NDOR1: variants seen among roughly 807,000 people sequenced by gnomAD.
The protein encoded by NDOR1 is NADPH-dependent diflavin oxidoreductase 1.
NDOR1 carries 61 observed loss-of-function variants against 67.2 expected under a neutral mutation model. The ratio of observed to expected loss-of-function variants is 0.91; its 90% CI spans 0.74 to 1.12. The LOEUF (loss-of-function observed/expected upper bound fraction) is 1.12, where lower values mean the gene tolerates loss of function less well. Among genes scored for constraint, NDOR1 ranks in the 50% most tolerant of loss-of-function variants. NDOR1 has a pLI of 0.00. For synonymous variants in NDOR1, 378 were observed against 343.7 expected (o/e 1.10, Z -1.10); for missense variants, 878 against 802.8 (o/e 1.09, Z -1.13).
intron 3 of NDOR1, 47 bp from the exon 4 acceptor site, chr9:137,213,733 C>T: frequency 6.3e-7 from 1 of 1,581,284 alleles, no homozygotes; most frequent in Non-Finnish European, 8.6e-7. Context: ...CTGGGCACCA[C>T]TCTCCGCCCG....
At chr9:137,213,345 G>C (rs144647262) in intron 3 of NDOR1, among the ~76,000 whole-genome samples, 2,142 of 152,254 alleles carry the variant, frequency 0.014, 49 homozygotes, top group African/African-American at 0.047. Flanking sequence ...GTCATGCCTC[G>C]GAACCAGAGT....
intron 2 of NDOR1, among the ~76,000 whole-genome samples, chr9:137,208,854 GT>G (rs887570311): frequency 1.3e-5 from 2 of 151,078 alleles, no homozygotes; most frequent in African/African-American, 2.4e-5. Flanking sequence ...AACTTGACAT[GT>G]TTTTTTTGTT....
rs774902416 is a variant in NDOR1, at chr9:137,215,639, C to T, written c.1289-20C>T. 1.3e-6 allele frequency: 2 copies of T among 1,577,106 alleles called. No homozygotes were observed. Among genetic ancestry groups the T allele is most frequent in the Non-Finnish European group, 1.7e-6 (2 of 1,161,198 alleles). On this transcript the variant is annotated intron_variant, in intron 10 of 13. Coordinates refer to ENST00000684003, the MANE Select transcript of NDOR1 (RefSeq NM_014434.4). ...GCACAGGTCTTTGATCCTCTTCATG[C>T]CACCTCCTTCCTGCAATAGGACCTG... is the stretch of plus-strand genomic sequence containing the variant.
At position 137,214,882 on chromosome 9, in the gene NDOR1, G is replaced by T; in HGVS notation, c.929G>T (p.Arg310Leu). The change falls in exon 8 of 14, where the codon CGC becomes CTC. Residue 310 changes from arginine (R) to leucine (L), a missense_variant. Coordinates refer to ENST00000684003, the MANE Select transcript of NDOR1 (RefSeq NM_014434.4). The part of the protein sequence containing the change: ...SHYLDIASVP[R>L]RSFFELLACL... Reference sequence around the variant, plus strand: ...TACCTGGACATCGCCAGCGTGCCTCGCCGCTCCTTCTTCGAACTCCTGGCC... The same window carrying T: ...TACCTGGACATCGCCAGCGTGCCTCTCCGCTCCTTCTTCGAACTCCTGGCC... 6.2e-7 allele frequency: 1 copy of T among 1,611,748 alleles called. No individual in the cohort carries two copies.
In NDOR1 at chr9:137,212,859, G is replaced by T; in HGVS notation, c.311+260G>T. The T allele has an allele frequency of 2.1e-6, 1 of 483,874 alleles. No homozygotes were observed. Among genetic ancestry groups the T allele is most frequent in the Non-Finnish European group, 3.8e-6 (1 of 266,574 alleles). The allele number at this position is 483,874 out of a possible 1,614,324, so 30.0% of individuals were successfully genotyped here. On this transcript the variant is annotated intron_variant, in intron 3 of 13. Transcript: ENST00000684003. This position sits in a 1 kb window ranked among gnomAD's most constrained non-coding sequence, Gnocchi z 4.3. ...ACGTCACACAGGCCTACCTGGCGCCGGTCCCCACTTTTACAAAAAGGCGTG... is the reference window on the plus strand; with the variant it reads ...ACGTCACACAGGCCTACCTGGCGCCTGTCCCCACTTTTACAAAAAGGCGTG...
chr9:137,213,200 C>T (rs1023760031), intron 3 of NDOR1, among the ~76,000 whole-genome samples: 1 of 152,198 alleles, frequency 6.6e-6, no homozygotes, highest in Non-Finnish European at 1.5e-5. Flanking sequence ...AGGTTTTGTT[C>T]CGTGCGTGAC....
In NDOR1 at chr9:137,206,233, T is replaced by G. The variant is rs1371799859; in HGVS notation, c.137T>G (p.Val46Gly). 1 of 1,613,966 alleles carries G rather than the reference T, an allele frequency of 6.2e-7. No individual in the cohort carries two copies. Among genetic ancestry groups the G allele is most frequent in the Non-Finnish European group, 8.5e-7 (1 of 1,179,974 alleles). The stretch of plus-strand genomic sequence containing the variant: ...ACGTGTGTGTGTCTTTTTGTTGAGG[T>G]GAATCTGATTAACGAGCCCCTGGTG... ...RVQALDSYPV[V>G]NLINEPLVIF... is the part of the protein sequence containing the mutation. Residue 46 changes from valine to glycine, a missense_variant and splice_region_variant, in exon 2 of 14, where the codon GTG (valine) becomes GGG (glycine). By Grantham distance (109) the Val-to-Gly change is moderately radical. Transcript: ENST00000684003.
Position 137,217,581 on chromosome 9 carries a change from A to C in NDOR1, c.*1165A>C. ...ACATGGCTGAGGCTGGGCTCCAGCC[A>C]GATCTGGCTGGGGACAGCACCGCGT... On this transcript the variant is annotated 3_prime_UTR_variant, in exon 14 of 14. Coordinates refer to ENST00000684003, the MANE Select transcript of NDOR1 (RefSeq NM_014434.4). 1.2e-5 allele frequency: 2 copies of C among 167,896 alleles called. No individual in the cohort carries two copies. Among genetic ancestry groups the C allele is most frequent in the African/African-American group, 2.4e-5 (1 of 42,186 alleles). The allele number at this position is 167,896 out of a possible 1,614,324, so 10.4% of individuals were successfully genotyped here. A position where few individuals can be genotyped will look rare whatever the true frequency, so the allele number is the denominator to read the frequency against.
Position 137,216,539 on chromosome 9 carries a change from A to G in NDOR1, c.*123A>G. The G allele has an allele frequency of 3.1e-6, 4 of 1,296,862 alleles. No individual in the cohort carries two copies. The highest frequency in any genetic ancestry group is 4.1e-6 in the Non-Finnish European group (4 of 963,934). 80.3% of individuals were successfully genotyped at this position (1,296,862 alleles called of 1,614,324 possible). On this transcript the variant is annotated 3_prime_UTR_variant, in exon 14 of 14. Transcript: ENST00000684003. ...GGACCAGCCAGCTGGTCCTCTGGGA[A>G]CAGCCAGCTCCCGAGCACAGCCGCA...
Position 137,218,711 on chromosome 9 carries a change from G to T in NDOR1, c.*2295G>T, listed in dbSNP as rs749486676. 5.0e-6 allele frequency: 2 copies of T among 397,720 alleles called. No individual in the cohort carries two copies. The highest frequency in any genetic ancestry group is 8.9e-6 in the Non-Finnish European group (2 of 225,746). The allele number at this position is 397,720 out of a possible 1,614,324, so 24.6% of individuals were successfully genotyped here. ...GATGACCAGGCTGGAAAAACCCAAG[G>T]TTGGGTCCAGGGCAGTGGCCTTCAA... On this transcript the variant is annotated 3_prime_UTR_variant, in exon 14 of 14. Transcript: ENST00000684003.
Position 137,218,392 on chromosome 9 carries a change from G to A in NDOR1, c.*1976G>A. 2.5e-6 allele frequency: 1 copy of A among 398,570 alleles called. No individual in the cohort carries two copies. Among genetic ancestry groups the A allele is most frequent in the Non-Finnish European group, 4.4e-6 (1 of 226,126 alleles). The allele number at this position is 398,570 out of a possible 1,614,324, so 24.7% of individuals were successfully genotyped here. On this transcript the variant is annotated 3_prime_UTR_variant, in exon 14 of 14. Transcript: ENST00000684003. ...GCTACCAGCTGCGCTTCCTGGCAGG[G>A]CCCGTGGGCGGCCGGGGCTGCCTGC...
chr9:137,216,260 C>T lies in NDOR1; in HGVS notation c.1650-12C>T, dbSNP rs750239725. On this transcript the variant is annotated splice_polypyrimidine_tract_variant and intron_variant, in intron 13 of 13. Coordinates refer to ENST00000684003, the MANE Select transcript of NDOR1 (RefSeq NM_014434.4). ...CAGGCCTCATTGCGCCTTCTGCGAC[C>T]TGCCCCTCTAGCAACGCCAAGTCCA... 1 of 1,613,138 alleles carries T rather than the reference C, an allele frequency of 6.2e-7. No homozygotes were observed. Among genetic ancestry groups the T allele is most frequent in the Non-Finnish European group, 8.5e-7 (1 of 1,179,964 alleles).
chr9:137,216,074 C>G lies in NDOR1; in HGVS notation c.1555-20C>G. 1 of 1,613,468 alleles carries G rather than the reference C, an allele frequency of 6.2e-7. No homozygotes were observed. ...GAGGGAGCTCCGGCTCAGCCCCCAG[C>G]CCTGTTCTCTGCCCTACAGGAGCAG... On this transcript the variant is annotated intron_variant, in intron 12 of 13. Coordinates refer to ENST00000684003, the MANE Select transcript of NDOR1 (RefSeq NM_014434.4).
Position 137,218,412 on chromosome 9 carries a change from G to GCCTGCCCTT in NDOR1, c.*2005_*2013dup, listed in dbSNP as rs760926470. On this transcript the variant is annotated 3_prime_UTR_variant, in exon 14 of 14. Transcript: ENST00000684003. ...GCAGGGCCCGTGGGCGGCCGGGGCTGCCTGCCCTTCCTGCCCTGTCCACCC... is the reference window on the plus strand; with the variant it reads ...GCAGGGCCCGTGGGCGGCCGGGGCTGCCTGCCCTTCCTGCCCTTCCTGCCCTGTCCACCC... 89 of 398,340 alleles carry GCCTGCCCTT rather than the reference G, an allele frequency of 2.2e-4. No homozygotes were observed. Among genetic ancestry groups the GCCTGCCCTT allele is most frequent in the Non-Finnish European group, 3.4e-4 (78 of 226,100 alleles). 24.7% of individuals were successfully genotyped at this position (398,340 alleles called of 1,614,324 possible).
At position 137,215,465 on chromosome 9, in the gene NDOR1, A is replaced by G. The variant is rs1334113095; in HGVS notation, c.1232A>G (p.Lys411Arg). Reference sequence around the variant, plus strand: ...GTAGTGCAGTTCCAGACTCGCCTCAAGGAGCCCCGCCGGGGCCTCTGCTCC... The same window carrying G: ...GTAGTGCAGTTCCAGACTCGCCTCAGGGAGCCCCGCCGGGGCCTCTGCTCC... ...VAVVQFQTRL[K>R]EPRRGLCSSW... is the part of the protein sequence containing the mutation. The change falls in exon 10 of 14, where the codon AAG becomes AGG. Residue 411 changes from lysine (K) to arginine (R), a missense_variant. By Grantham distance (26) the Lys-to-Arg change is conservative (BLOSUM62 2). Transcript: ENST00000684003. 1.2e-6 allele frequency: 2 copies of G among 1,613,350 alleles called. No homozygotes were observed. The highest frequency in any genetic ancestry group is 4.5e-5 in the East Asian group (2 of 44,882).
Position 137,216,468 on chromosome 9 carries a change from G to A in NDOR1, c.*52G>A, listed in dbSNP as rs754370757. Reference sequence around the variant, plus strand: ...GACAGCCATCCTCCTGGGAGCCCAGGAAGGCATCCACGAGGGAGCTCCTGG... The same window carrying A: ...GACAGCCATCCTCCTGGGAGCCCAGAAAGGCATCCACGAGGGAGCTCCTGG... On this transcript the variant is annotated 3_prime_UTR_variant, in exon 14 of 14. Coordinates refer to ENST00000684003, the MANE Select transcript of NDOR1 (RefSeq NM_014434.4). 6.4e-7 allele frequency: 1 copy of A among 1,567,252 alleles called. No individual in the cohort carries two copies.
At position 137,216,816 on chromosome 9, in the gene NDOR1, C is replaced by A. The variant is rs1182517909; in HGVS notation, c.*400C>A. 1 of 237,306 alleles carries A rather than the reference C, an allele frequency of 4.2e-6. No individual in the cohort carries two copies. Among genetic ancestry groups the A allele is most frequent in the Non-Finnish European group, 8.4e-6 (1 of 119,254 alleles). 14.7% of individuals were successfully genotyped at this position (237,306 alleles called of 1,614,324 possible). On this transcript the variant is annotated 3_prime_UTR_variant, in exon 14 of 14. Transcript: ENST00000684003. ...GCTGCACTCCTCTGCCCTGGGGCCA[C>A]CTCGGCTGCTGCAGCCTGCCCAGCA...
At position 137,218,146 on chromosome 9, in the gene NDOR1, G is replaced by T. The variant is rs1835717437; in HGVS notation, c.*1730G>T. On this transcript the variant is annotated 3_prime_UTR_variant, in exon 14 of 14. Transcript: ENST00000684003. ...CCCTGCTGAACTGTAGCCACGGCCTGTGTGTGGGCTGCCTGCACAGGCTGC... is the reference window on the plus strand; with the variant it reads ...CCCTGCTGAACTGTAGCCACGGCCTTTGTGTGGGCTGCCTGCACAGGCTGC... The T allele has an allele frequency of 5.0e-6, 2 of 398,748 alleles. No individual in the cohort carries two copies. The highest frequency in any genetic ancestry group is 8.8e-6 in the Non-Finnish European group (2 of 226,162). The allele number at this position is 398,748 out of a possible 1,614,324, so 24.7% of individuals were successfully genotyped here.
Position 137,215,967 on chromosome 9 carries a change from C to T in NDOR1, c.1504C>T (p.Leu502=). Residue 502 remains leucine, a synonymous_variant, in exon 12 of 14, where the codon CTG becomes TTG. Transcript: ENST00000684003. ...DFYWEAEWQE[L]EKRDCLTLIP... ...CTACTGGGAGGCTGAGTGGCAGGAGCTGGAGAAGCGGGACTGTCTGACCCT... is the reference window on the plus strand; with the variant it reads ...CTACTGGGAGGCTGAGTGGCAGGAGTTGGAGAAGCGGGACTGTCTGACCCT... The T allele has an allele frequency of 6.2e-7, 1 of 1,613,378 alleles. No homozygotes were observed. The highest frequency in any genetic ancestry group is 8.5e-7 in the Non-Finnish European group (1 of 1,179,984).
Sources: allele counts gnomAD v4.1 joint callset (sites outside exome capture counted in the v4.1 genomes callset), GRCh38; gene constraint gnomAD v4.1.1; non-coding constraint Gnocchi (gnomAD v3.1); transcripts MANE v1.5; gene names NCBI Gene and HGNC (gene_info 2026-07-23, HGNC 2026-07-21).